GCNT1: variants seen among roughly 807,000 people sequenced by gnomAD.
The protein encoded by GCNT1 is beta-1,3-galactosyl-O-glycosyl-glycoprotein beta-1,6-N-acetylglucosaminyltransferase.
Under a neutral mutation model 26.2 loss-of-function variants are expected in GCNT1, and 16 were observed. That is an observed-to-expected ratio of 0.61 (90% CI 0.41 to 0.93). The LOEUF (loss-of-function observed/expected upper bound fraction) is 0.93. GCNT1 is among the 40% of genes least tolerant of loss of function. The probability of loss-of-function intolerance (pLI) is 0.00; values close to 1 mark genes in which losing one functional copy is unlikely to be tolerated. For synonymous variants in GCNT1, 183 were observed against 190.8 expected, an observed-to-expected ratio of 0.96 and a Z score of 0.34; for missense variants, 477 against 526.7, an observed-to-expected ratio of 0.91 and a Z score of 0.92.
chr9:76,463,129 C>T (rs982222551), intron 2 of GCNT1, among the ~76,000 whole-genome samples: 1 of 152,130 alleles, frequency 6.6e-6, no homozygotes, highest in African/African-American at 2.4e-5. Flanking sequence ...TTTCTTAGGA[C>T]TTACATGTGC....
chr9:76,405,645 T>C, the GCNT1 span, among the ~76,000 whole-genome samples: 10 of 152,366 alleles, frequency 6.6e-5, no homozygotes, highest in African/African-American at 2.2e-4. Flanking sequence ...TTATAAAAGA[T>C]GTAGCATTTT....
chr9:76,439,412 A>G (rs1162064988), upstream of GCNT1, among the ~76,000 whole-genome samples: 1 of 151,790 alleles, frequency 6.6e-6, no homozygotes, highest in Non-Finnish European at 1.5e-5. Context: ...TCTAGTAGAG[A>G]TGGGGCTTCG....
chr9:76,503,713 G>A lies in GCNT1; in HGVS notation c.*45G>A, dbSNP rs777184329. On this transcript the variant is annotated 3_prime_UTR_variant, in exon 4 of 4. Coordinates refer to ENST00000376730, the MANE Select transcript of GCNT1 (RefSeq NM_001490.5). ...GAACAAGAAGAAGGATACACAAAAC[G>A]TACCCTTATCTGTTTCCCCTTCCTT... The A allele has an allele frequency of 3.7e-5, 54 of 1,458,670 alleles. No homozygotes were observed. Among genetic ancestry groups the A allele is most frequent in the Non-Finnish European group, 4.7e-5 (50 of 1,054,364 alleles). 90.4% of individuals were successfully genotyped at this position (1,458,670 alleles called of 1,614,324 possible). A position where few individuals can be genotyped will look rare whatever the true frequency, so the allele number is the denominator to read the frequency against.
intron 2 of GCNT1, among the ~76,000 whole-genome samples, chr9:76,486,141 A>AT (rs1157361655): frequency 1.3e-5 from 2 of 152,234 alleles, no homozygotes; most frequent in Admixed American, 6.5e-5. Flanking sequence ...TCGAAGAGCT[A>AT]TTTAACCTCT....
upstream of GCNT1, among the ~76,000 whole-genome samples, chr9:76,417,468 A>G (rs184892092): frequency 2.0e-5 from 3 of 152,360 alleles, no homozygotes; most frequent in Admixed American, 2.0e-4. Context: ...CTCATTACTC[A>G]GTAAGGAGTA....
chr9:76,399,552 C>T, the GCNT1 span: 1 of 1,520,152 alleles, frequency 6.6e-7, no homozygotes, highest in Non-Finnish European at 9.0e-7. Context: ...GCTCAGGCCA[C>T]TGAATGGGTA....
At chr9:76,424,804 T>G (rs906016030) in intron 1 of GCNT1, among the ~76,000 whole-genome samples, 2 of 152,126 alleles carry the variant, frequency 1.3e-5, no homozygotes. Flanking sequence ...ATCTTGTAAC[T>G]AAAATCAACA....
At chr9:76,497,501 CAT>C (rs1206536642) in intron 2 of GCNT1, among the ~76,000 whole-genome samples, 1 of 152,160 alleles carries the variant, frequency 6.6e-6, no homozygotes, top group Non-Finnish European at 1.5e-5. Context: ...TGCTTTCTCA[CAT>C]ATTTAGCTTC....
the GCNT1 span, among the ~76,000 whole-genome samples, chr9:76,406,687 C>T: frequency 2.0e-5 from 3 of 148,534 alleles, no homozygotes; most frequent in East Asian, 2.0e-4. Context: ...GGCAACAGAG[C>T]GAGACTCCAT....
Position 76,502,237 on chromosome 9 carries a change from A to T in GCNT1, c.-143-2A>T. 2.4e-6 allele frequency: 1 copy of T among 411,226 alleles called. No homozygotes were observed. The highest frequency in any genetic ancestry group is 4.3e-6 in the Non-Finnish European group (1 of 230,182). 25.5% of individuals were successfully genotyped at this position (411,226 alleles called of 1,614,324 possible). Reference sequence around the variant, plus strand: ...TATTTATAATTGCTTCTTTTATTTCAGTGCTGCTCTTCATTTCAAGATGCC... The same window carrying T: ...TATTTATAATTGCTTCTTTTATTTCTGTGCTGCTCTTCATTTCAAGATGCC... On this transcript the variant is annotated splice_acceptor_variant, in intron 3 of 3. Coordinates refer to ENST00000376730, the MANE Select transcript of GCNT1 (RefSeq NM_001490.5). LOFTEE classifies it low-confidence loss of function (5UTR_SPLICE).
At chr9:76,459,454 G>C (rs1357003672) in intron 1 of GCNT1, 149 bp downstream of exon 1, 1 of 152,274 alleles carries the variant, frequency 6.6e-6, no homozygotes, top group Admixed American at 6.5e-5. Context: ...GCAGAACCGG[G>C]GTGCGCCCGG....
At chr9:76,416,591 T>G (rs1395499824), upstream of GCNT1, among the ~76,000 whole-genome samples, 1 of 151,964 alleles carries the variant, frequency 6.6e-6, no homozygotes, top group Non-Finnish European at 1.5e-5. Context: ...CTGCAAGGGG[T>G]TTGAGTGGGG....
At chr9:76,486,071 T>C (rs1232727798) in intron 2 of GCNT1, among the ~76,000 whole-genome samples, 2 of 152,216 alleles carry the variant, frequency 1.3e-5, no homozygotes, top group African/African-American at 4.8e-5. Context: ...GAGCGCAAAC[T>C]TGGGGGCCAG....
intron 2 of GCNT1, among the ~76,000 whole-genome samples, chr9:76,478,703 A>G (rs1040556194): frequency 6.6e-6 from 1 of 152,226 alleles, no homozygotes; most frequent in African/African-American, 2.4e-5. Context: ...CGTTGTATGG[A>G]TATACCACAT....
At chr9:76,487,926 G>A (rs1009590721) in intron 2 of GCNT1, among the ~76,000 whole-genome samples, 1 of 152,142 alleles carries the variant, frequency 6.6e-6, no homozygotes, top group African/African-American at 2.4e-5. Context: ...TAGAGACAGA[G>A]TCTCTCCGTG....
At chr9:76,501,942 T>G (rs1825080988) in intron 3 of GCNT1, 1 of 152,290 alleles carries the variant, frequency 6.6e-6, no homozygotes, top group African/African-American at 2.4e-5. Context: ...GTAAAATGCT[T>G]GTTGTTAGAT....
chr9:76,397,978 A>G, the GCNT1 span, among the ~76,000 whole-genome samples: 20 of 152,250 alleles, frequency 1.3e-4, no homozygotes, highest in Non-Finnish European at 1.3e-4. Flanking sequence ...CAGTAAATCT[A>G]GAGTTGAGAG....
chr9:76,395,006 CCT>C, the GCNT1 span, among the ~76,000 whole-genome samples: 2 of 152,158 alleles, frequency 1.3e-5, no homozygotes, highest in African/African-American at 4.8e-5. Flanking sequence ...GGGAGAAGTC[CCT>C]GTCTGTGACG....
chr9:76,428,978 G>T (rs766343014), intron 1 of GCNT1, among the ~76,000 whole-genome samples: 5 of 152,108 alleles, frequency 3.3e-5, no homozygotes, highest in Non-Finnish European at 5.9e-5. Context: ...GGGATTACAG[G>T]CATGAGCCAC....
Sources: allele counts gnomAD v4.1 joint callset (sites outside exome capture counted in the v4.1 genomes callset), GRCh38; gene constraint gnomAD v4.1.1; transcripts MANE v1.5; gene names NCBI Gene and HGNC (gene_info 2026-07-23, HGNC 2026-07-21).